BBS9: variants seen among roughly 807,000 people sequenced by gnomAD.
The protein encoded by BBS9 is protein PTHB1.
Under a neutral mutation model 117.7 loss-of-function variants are expected in BBS9, and 89 were observed. The observed-to-expected ratio is 0.76, with a 90% CI of 0.64 to 0.90. The LOEUF (loss-of-function observed/expected upper bound fraction) is 0.90. Ranked by LOEUF, BBS9 falls within the 40% of genes least tolerant of loss-of-function variation. The pLI is 0.00. For synonymous variants in BBS9, 379 were observed against 370.9 expected, an observed-to-expected ratio of 1.02 and a Z score of -0.25; for missense variants, 982 against 1,042.2, an observed-to-expected ratio of 0.94 and a Z score of 0.80.
chr7:33,593,601 C>T (rs1862277351), intron 21 of BBS9, among the ~76,000 whole-genome samples: 1 of 152,082 alleles, frequency 6.6e-6, no homozygotes, highest in Non-Finnish European at 1.5e-5. Flanking sequence ...ACCTTCTCAC[C>T]ATATCAGAAG....
At chr7:33,432,837 T>C (rs1834724786) in intron 19 of BBS9, among the ~76,000 whole-genome samples, 1 of 152,150 alleles carries the variant, frequency 6.6e-6, no homozygotes, top group Non-Finnish European at 1.5e-5. Context: ...TGGAACGTTA[T>C]GCCCTAAAAG....
chr7:33,454,125 C>T (rs1838297739), intron 19 of BBS9, among the ~76,000 whole-genome samples: 1 of 152,146 alleles, frequency 6.6e-6, no homozygotes, highest in African/African-American at 2.4e-5. Flanking sequence ...GGTCCTCCCC[C>T]ATCTCCTGCC....
chr7:33,384,558 G>A (rs1158625969), intron 18 of BBS9, among the ~76,000 whole-genome samples: 1 of 152,092 alleles, frequency 6.6e-6, no homozygotes, highest in Non-Finnish European at 1.5e-5. Context: ...ATGTATTCCA[G>A]TCATCAGGCT....
intron 5 of BBS9, among the ~76,000 whole-genome samples, chr7:33,220,213 C>A (rs1789973822): frequency 2.6e-5 from 4 of 152,216 alleles, no homozygotes; most frequent in Admixed American, 2.0e-4. Flanking sequence ...GGAAACTATT[C>A]ACACTTATAT....
intron 19 of BBS9, among the ~76,000 whole-genome samples, chr7:33,439,774 G>A (rs1357658258): frequency 2.6e-5 from 4 of 152,124 alleles, no homozygotes; most frequent in Admixed American, 1.3e-4. Context: ...TGGTCCACCT[G>A]CTTCGGCCTC....
chr7:33,467,247 A>G (rs1840312126), intron 19 of BBS9, among the ~76,000 whole-genome samples: 1 of 152,048 alleles, frequency 6.6e-6, no homozygotes, highest in Non-Finnish European at 1.5e-5. Context: ...TTGCTCAGTT[A>G]CTGATATTAC....
chr7:33,486,822 C>A (rs1333356443), intron 19 of BBS9, among the ~76,000 whole-genome samples: 1 of 152,182 alleles, frequency 6.6e-6, no homozygotes, highest in Non-Finnish European at 1.5e-5. Context: ...AAGGGGAATT[C>A]TCAGGGGAAG....
chr7:33,358,056 C>A, intron 16 of BBS9, 61 bp downstream of exon 16: 1 of 1,549,666 alleles, frequency 6.5e-7, no homozygotes, highest in South Asian at 1.1e-5. Context: ...AGAATGGAAT[C>A]CTTCATCAGC....
intron 17 of BBS9, among the ~76,000 whole-genome samples, chr7:33,373,707 G>A (rs778810804): frequency 5.9e-5 from 9 of 152,088 alleles, no homozygotes; most frequent in African/African-American, 1.9e-4. Context: ...CTAATACATC[G>A]GATGTTTCAA....
At chr7:33,152,654 T>C (rs1338924829) in intron 2 of BBS9, 47 bp from the exon 3 acceptor site, 1 of 1,531,636 alleles carries the variant, frequency 6.5e-7, no homozygotes, top group African/African-American at 1.4e-5. Context: ...AGAGATTTGC[T>C]AATGTTTGTT....
intron 19 of BBS9, among the ~76,000 whole-genome samples, chr7:33,421,453 T>C (rs1832847903): frequency 1.3e-5 from 2 of 152,216 alleles, no homozygotes; most frequent in Non-Finnish European, 2.9e-5. Context: ...ATCCATTTTG[T>C]TAGTTGAAAA....
At chr7:33,239,860 G>A (rs1008447214) in intron 5 of BBS9, among the ~76,000 whole-genome samples, 2 of 151,966 alleles carry the variant, frequency 1.3e-5, no homozygotes, top group East Asian at 1.9e-4. Context: ...TAAAAAATTA[G>A]CCAGGCATGG....
At chr7:33,200,068 A>G (rs1328625833) in intron 5 of BBS9, among the ~76,000 whole-genome samples, 1 of 151,582 alleles carries the variant, frequency 6.6e-6, no homozygotes, top group African/African-American at 2.4e-5. Context: ...ATCACACCCT[A>G]TTTTTGGATT....
chr7:33,277,279 C>A (rs1800945399), intron 9 of BBS9, among the ~76,000 whole-genome samples: 1 of 152,182 alleles, frequency 6.6e-6, no homozygotes, highest in Non-Finnish European at 1.5e-5. Context: ...GAAATCACAG[C>A]ACTTGGATTT....
intron 19 of BBS9, among the ~76,000 whole-genome samples, chr7:33,498,085 T>G (rs1844971868): frequency 6.6e-6 from 1 of 152,126 alleles, no homozygotes; most frequent in African/African-American, 2.4e-5. Context: ...AAACTAAGTT[T>G]GAGGGAGGTA....
intron 4 of BBS9, among the ~76,000 whole-genome samples, chr7:33,161,899 G>T (rs1794917021): frequency 6.6e-6 from 1 of 152,130 alleles, no homozygotes; most frequent in Admixed American, 6.5e-5. Flanking sequence ...TCATGTGTCT[G>T]TTGGGTGCAT....
intron 19 of BBS9, among the ~76,000 whole-genome samples, chr7:33,408,082 G>A (rs1021854731): frequency 6.6e-6 from 1 of 152,232 alleles, no homozygotes; most frequent in East Asian, 1.9e-4. Flanking sequence ...AGCTGTGGTG[G>A]GCTCCACCCA....
intron 1 of BBS9, among the ~76,000 whole-genome samples, chr7:33,131,500 A>C (rs957814627): frequency 1.3e-5 from 2 of 152,288 alleles, no homozygotes; most frequent in African/African-American, 4.8e-5. Context: ...TGAACACTAC[A>C]TGCATTTGTC....
At chr7:33,199,752 G>C (rs1364679197) in intron 5 of BBS9, among the ~76,000 whole-genome samples, 3 of 151,706 alleles carry the variant, frequency 2.0e-5, no homozygotes, top group African/African-American at 4.8e-5. Flanking sequence ...AGGGCTGCTA[G>C]AAAAATAAGG....
Sources: allele counts gnomAD v4.1 joint callset (sites outside exome capture counted in the v4.1 genomes callset), GRCh38; gene constraint gnomAD v4.1.1; transcripts MANE v1.5; gene names NCBI Gene and HGNC (gene_info 2026-07-23, HGNC 2026-07-21).